The following CCDC171 variants were observed in gnomAD, a reference collection of about 807,000 sequenced individuals.
The protein encoded by CCDC171 is coiled-coil domain containing 171.
In CCDC171, 177 loss-of-function variants were observed where a neutral mutation model predicts 168.2. The ratio of observed to expected loss-of-function variants is 1.05; its 90% CI spans 0.93 to 1.19. The LOEUF (loss-of-function observed/expected upper bound fraction) is 1.19, where lower values mean the gene tolerates loss of function less well. Ranked by LOEUF, CCDC171 falls within the 50% of genes most tolerant of loss-of-function variation. The pLI, the probability that CCDC171 is intolerant of heterozygous loss-of-function variation, is 0.00. For missense variants in CCDC171, 1,991 were observed against 1,539.0 expected, an observed-to-expected ratio of 1.29 and a Z score of -4.91; for synonymous variants, 687 against 540.8, an observed-to-expected ratio of 1.27 and a Z score of -3.75.
the CCDC171 span, among the ~76,000 whole-genome samples, chr9:16,095,369 T>C: frequency 6.6e-6 from 1 of 152,118 alleles, no homozygotes; most frequent in African/African-American, 2.4e-5. Flanking sequence ...TCAGAACAGA[T>C]CTTATTTTCC....
At chr9:15,699,522 C>T (rs911485108) in intron 11 of CCDC171, among the ~76,000 whole-genome samples, 4 of 152,142 alleles carry the variant, frequency 2.6e-5, no homozygotes, top group African/African-American at 7.2e-5. Flanking sequence ...TCTGTTTTGA[C>T]AGGGCACTGA....
intron 3 of CCDC171, among the ~76,000 whole-genome samples, chr9:16,009,974 A>G (rs1222620052): frequency 1.3e-5 from 2 of 152,212 alleles, no homozygotes; most frequent in Non-Finnish European, 2.9e-5. Flanking sequence ...CAAAACAAGA[A>G]TTGGTCCTTC....
intron 3 of CCDC171, among the ~76,000 whole-genome samples, chr9:16,018,109 T>G (rs1833074809): frequency 6.6e-6 from 1 of 152,212 alleles, no homozygotes; most frequent in East Asian, 1.9e-4. Flanking sequence ...GGAAGACCCC[T>G]GAGAAGGCAG....
At chr9:15,889,533 T>C (rs966142450) in intron 24 of CCDC171, among the ~76,000 whole-genome samples, 1 of 152,166 alleles carries the variant, frequency 6.6e-6, no homozygotes, top group Admixed American at 6.5e-5. Context: ...ACTTGAAAAC[T>C]CGAAAGACTT....
At chr9:15,682,609 A>G (rs572341771) in intron 10 of CCDC171, among the ~76,000 whole-genome samples, 22 of 151,980 alleles carry the variant, frequency 1.4e-4, no homozygotes, top group African/African-American at 5.3e-4. Flanking sequence ...ATACTTTTAT[A>G]TTAATGAAAT....
In CCDC171 at chr9:15,859,744, C is replaced by A. The variant is rs542204551; in HGVS notation, c.3468+10797C>A. Among the ~76,000 whole-genome samples, 4 of 151,836 alleles carry A rather than the reference C, an allele frequency of 2.6e-5. No individual in the cohort carries two copies. In the East Asian group the frequency reaches 7.8e-4, roughly 29 times the overall value. ...GCATACTCATAGCTCACTGCAGCCT[C>A]AAACCCCTGGGCTCAAGAGATCCTC... On this transcript the variant is annotated intron_variant, in intron 23 of 25. Coordinates refer to ENST00000380701, the MANE Select transcript of CCDC171 (RefSeq NM_173550.4).
intron 3 of CCDC171, among the ~76,000 whole-genome samples, chr9:15,997,830 C>G (rs1470306167): frequency 6.6e-6 from 1 of 152,056 alleles, no homozygotes; most frequent in East Asian, 1.9e-4. Context: ...CAGGGTGTGC[C>G]CAAGTGGATC....
chr9:15,888,012 A>G (rs1235525347), intron 24 of CCDC171: 1 of 152,218 alleles, frequency 6.6e-6, no homozygotes, highest in African/African-American at 2.4e-5. Flanking sequence ...CAGCTCCTAA[A>G]TGAAGTCTCC....
chr9:16,018,174 T>C (rs1833077195), intron 3 of CCDC171, among the ~76,000 whole-genome samples: 1 of 152,208 alleles, frequency 6.6e-6, no homozygotes, highest in South Asian at 2.1e-4. Context: ...TTTGTGATGC[T>C]TGTTAGCCTA....
At chr9:16,080,440 T>C in the CCDC171 span, among the ~76,000 whole-genome samples, 1 of 152,366 alleles carries the variant, frequency 6.6e-6, no homozygotes, top group South Asian at 2.1e-4. Context: ...TTAAGCTTCT[T>C]AATTGTTTTC....
intron 3 of CCDC171, 68 bp from the exon 4 acceptor site, chr9:15,578,781 A>T: frequency 7.8e-7 from 1 of 1,289,578 alleles, no homozygotes; most frequent in South Asian, 1.5e-5. Flanking sequence ...TCTCTAAGAA[A>T]CTTAAATGTT....
intron 7 of CCDC171, among the ~76,000 whole-genome samples, chr9:15,638,194 C>A (rs1318115284): frequency 6.6e-6 from 1 of 152,214 alleles, no homozygotes; most frequent in East Asian, 1.9e-4. Flanking sequence ...AAGAATTTTA[C>A]AAGTGGAGAG....
intron 18 of CCDC171, among the ~76,000 whole-genome samples, chr9:15,750,682 T>C (rs1369200710): frequency 1.3e-5 from 2 of 152,128 alleles, no homozygotes; most frequent in Non-Finnish European, 2.9e-5. Flanking sequence ...AAAAACCACA[T>C]GATTATCTCA....
At chr9:15,748,332 C>A (rs2055449368) in intron 18 of CCDC171, among the ~76,000 whole-genome samples, 1 of 151,960 alleles carries the variant, frequency 6.6e-6, no homozygotes, top group African/African-American at 2.4e-5. Context: ...GTGAAAAGAC[C>A]AAATCTGTGT....
At chr9:15,655,515 G>C (rs2132906071) in intron 7 of CCDC171, among the ~76,000 whole-genome samples, 1 of 152,246 alleles carries the variant, frequency 6.6e-6, no homozygotes, top group East Asian at 1.9e-4. Flanking sequence ...CTTGACTTCT[G>C]CTTCTGTCCA....
chr9:15,604,386 G>C (rs2043075010), intron 6 of CCDC171, among the ~76,000 whole-genome samples: 1 of 152,122 alleles, frequency 6.6e-6, no homozygotes, highest in African/African-American at 2.4e-5. Flanking sequence ...AAACTATCAT[G>C]CCCCTCCTTT....
intron 23 of CCDC171, among the ~76,000 whole-genome samples, chr9:15,867,586 GTGTCATTAT>G (rs1209453771): frequency 1.3e-5 from 2 of 152,002 alleles, no homozygotes; most frequent in African/African-American, 4.8e-5. Context: ...GCTGTCTTGT[GTGTCATTAT>G]TCATATTGTT....
At chr9:15,677,000 T>C (rs955753453) in intron 9 of CCDC171, among the ~76,000 whole-genome samples, 2 of 152,166 alleles carry the variant, frequency 1.3e-5, no homozygotes, top group Non-Finnish European at 2.9e-5. Flanking sequence ...GTAGAATCAT[T>C]TTTTGTTCCC....
At chr9:15,634,116 G>A (rs908192209) in intron 7 of CCDC171, among the ~76,000 whole-genome samples, 1 of 151,906 alleles carries the variant, frequency 6.6e-6, no homozygotes, top group African/African-American at 2.4e-5. Flanking sequence ...CATGGCACAT[G>A]TTTACATATG....
Sources: allele counts gnomAD v4.1 joint callset (sites outside exome capture counted in the v4.1 genomes callset), GRCh38; gene constraint gnomAD v4.1.1; transcripts MANE v1.5; gene names NCBI Gene and HGNC (gene_info 2026-07-23, HGNC 2026-07-21).